The following MAP7D2 variants were observed in gnomAD, a reference collection of about 807,000 sequenced individuals.
MAP7D2 encodes the protein MAP7 domain-containing protein 2.
A neutral mutation model predicts 63.5 loss-of-function variants in MAP7D2; 33 were observed. The observed-to-expected ratio is 0.52, with a 90% CI of 0.39 to 0.70. MAP7D2 has a LOEUF of 0.70. Among genes scored for constraint, MAP7D2 ranks in the 30% least tolerant of loss-of-function variants. MAP7D2 has a pLI of 0.00. For synonymous variants in MAP7D2, 224 were observed against 223.7 expected (o/e 1.00, Z -0.01); for missense variants, 626 against 604.0 (o/e 1.04, Z -0.38).
At chrX:20,038,169 G>T (rs1238138331) in intron 8 of MAP7D2, among the ~76,000 whole-genome samples, 1 of 111,899 alleles carries the variant, frequency 8.9e-6, no homozygotes, top group Non-Finnish European at 1.9e-5. Flanking sequence ...TCATGAAAAG[G>T]GCAGCAGTTT....
At chrX:20,101,007 G>A (rs1239035996) in intron 1 of MAP7D2, among the ~76,000 whole-genome samples, 1 of 100,466 alleles carries the variant, frequency 1.0e-5, no homozygotes, top group African/African-American at 3.8e-5. Flanking sequence ...GGCAACAAGA[G>A]TAAAACTCCG....
chrX:20,060,378 G>A (rs187085908), intron 3 of MAP7D2, among the ~76,000 whole-genome samples: 97 of 105,352 alleles, frequency 9.2e-4, no homozygotes, highest in African/African-American at 3.1e-3. Context: ...TCCTCAGCAG[G>A]GATGTGTGCA....
At chrX:20,029,058 C>T (rs745430679) in intron 8 of MAP7D2, among the ~76,000 whole-genome samples, 64 of 112,165 alleles carry the variant, frequency 5.7e-4, no homozygotes, top group African/African-American at 1.9e-3. Context: ...CACAACCCTG[C>T]CTGTTCTTGT....
chrX:20,037,295 G>A (rs4825331), intron 8 of MAP7D2, among the ~76,000 whole-genome samples: 40,015 of 110,193 alleles, frequency 0.36, 8,035 homozygotes, highest in African/African-American at 0.77. Flanking sequence ...CTATCATCAA[G>A]TGGAAATGGT....
chrX:20,106,762 G>A (rs987296930), intron 1 of MAP7D2, among the ~76,000 whole-genome samples: 4 of 111,829 alleles, frequency 3.6e-5, no homozygotes, highest in African/African-American at 1.3e-4. Context: ...TACATGCTGA[G>A]GCTAGGTGAG....
At chrX:20,091,435 C>T (rs1294685220) in intron 1 of MAP7D2, among the ~76,000 whole-genome samples, 9 of 108,111 alleles carry the variant, frequency 8.3e-5, no homozygotes, top group Admixed American at 2.0e-4. Context: ...TTTGGGAGGC[C>T]GAGATGGGTG....
At chrX:20,093,422 T>C (rs2066122417) in intron 1 of MAP7D2, among the ~76,000 whole-genome samples, 1 of 111,809 alleles carries the variant, frequency 8.9e-6, no homozygotes, top group Non-Finnish European at 1.9e-5. Context: ...TTTGGGAGGC[T>C]GAGGCAGAAG....
At chrX:20,034,085 C>T (rs1201107185) in intron 8 of MAP7D2, among the ~76,000 whole-genome samples, 2 of 107,783 alleles carry the variant, frequency 1.9e-5, no homozygotes, top group African/African-American at 6.8e-5. Context: ...ATTAGCCAGA[C>T]GTGGTGGTGC....
rs113595181 is a variant in MAP7D2, at chrX:20,114,027, C to T, written c.130+2723G>A. On this transcript the variant is annotated intron_variant, in intron 1 of 16. Transcript: ENST00000379643. The stretch of plus-strand genomic sequence containing the variant: ...TAACCACCTACTCTCTATCTCCAGG[C>T]CCCACCCTATTTTGTTTTTCTTTCG... 8.7e-4 allele frequency among the ~76,000 whole-genome samples: 97 copies of T among 111,569 alleles called. 1 individual carries two copies. The highest frequency in any genetic ancestry group is 3.1e-3 in the African/African-American group (95 of 30,718).
At chrX:20,033,164 G>C (rs982705788) in intron 8 of MAP7D2, among the ~76,000 whole-genome samples, 1 of 112,254 alleles carries the variant, frequency 8.9e-6, no homozygotes, top group African/African-American at 3.2e-5. Flanking sequence ...GATCCAAAGA[G>C]AGAACCTCCC....
At chrX:20,088,221 G>A (rs1466863704) in intron 1 of MAP7D2, among the ~76,000 whole-genome samples, 1 of 108,872 alleles carries the variant, frequency 9.2e-6, no homozygotes, top group East Asian at 2.9e-4. Context: ...GCACATTTTT[G>A]GGGTTACTTG....
rs779366726 is a variant in MAP7D2, at chrX:20,088,468, G to GTTTTTTTTTT, written c.131-23673_131-23664dup. 3.2e-4 allele frequency among the ~76,000 whole-genome samples: 13 copies of GTTTTTTTTTT among 41,070 alleles called. 2 individuals carry two copies. The highest frequency in any genetic ancestry group is 2.0e-3 in the East Asian group (1 of 501). 35.7% of individuals were successfully genotyped at this position (41,070 alleles called of 115,157 possible). ...CCCCACCACACCCAGCTAATTTTCAGTTTTTTTTTTTTTTTTTTTTTTTTT... is the reference window on the plus strand; with the variant it reads ...CCCCACCACACCCAGCTAATTTTCAGTTTTTTTTTTTTTTTTTTTTTTTTTTTTTTTTTTT... On this transcript the variant is annotated intron_variant, in intron 1 of 16. Coordinates refer to ENST00000379643, the MANE Select transcript of MAP7D2 (RefSeq NM_001168465.2).
chrX:20,108,300 T>C (rs771623216), intron 1 of MAP7D2, among the ~76,000 whole-genome samples: 8 of 109,751 alleles, frequency 7.3e-5, no homozygotes, highest in Admixed American at 6.8e-4. Flanking sequence ...AGTGGCGCCA[T>C]TTCAGCTCAC....
intron 1 of MAP7D2, among the ~76,000 whole-genome samples, chrX:20,114,969 C>G (rs1279863350): frequency 8.9e-6 from 1 of 111,850 alleles, no homozygotes; most frequent in African/African-American, 3.3e-5. Context: ...GCTAACTCCC[C>G]CAAACAACAA....
Position 20,052,858 on chromosome X carries a change from A to C in MAP7D2, c.595+20T>G. 1 of 1,116,247 alleles carries C rather than the reference A, an allele frequency of 9.0e-7. No individual in the cohort carries two copies. The highest frequency in any genetic ancestry group is 1.2e-6 in the Non-Finnish European group (1 of 808,795). 92.0% of individuals were successfully genotyped at this position (1,116,247 alleles called of 1,213,427 possible). A position where few individuals can be genotyped will look rare whatever the true frequency, so the allele number is the denominator to read the frequency against. ...AGAAAAGAAACAAACTAGAGAGACC[A>C]AGTCTACATGTTCACTTGCCTCGGT... On this transcript the variant is annotated intron_variant, in intron 5 of 16. Coordinates refer to ENST00000379643, the MANE Select transcript of MAP7D2 (RefSeq NM_001168465.2).
chrX:20,049,619 A>G (rs1247587139), intron 6 of MAP7D2, among the ~76,000 whole-genome samples: 1 of 111,513 alleles, frequency 9.0e-6, no homozygotes, highest in African/African-American at 3.3e-5. Context: ...TGGGTATATC[A>G]TATTTTCTTT....
intron 1 of MAP7D2, among the ~76,000 whole-genome samples, chrX:20,116,221 G>A (rs752728311): frequency 5.0e-4 from 57 of 113,253 alleles, no homozygotes; most frequent in African/African-American, 1.8e-3. Flanking sequence ...GCAGACGCCT[G>A]GCCGCCCGGG....
At chrX:20,078,918 T>C (rs1004932151) in intron 1 of MAP7D2, among the ~76,000 whole-genome samples, 1 of 109,359 alleles carries the variant, frequency 9.1e-6, no homozygotes, top group African/African-American at 3.3e-5. Flanking sequence ...GCCCCAAGCC[T>C]CCAGTGGGGG....
chrX:20,075,578 G>A (rs1471579725), intron 1 of MAP7D2, among the ~76,000 whole-genome samples: 1 of 111,140 alleles, frequency 9.0e-6, no homozygotes, highest in Non-Finnish European at 1.9e-5. Context: ...ACTCTTGGAA[G>A]GTACAGTGTG....
Sources: gnomAD v4.1 joint callset for allele counts (sites outside exome capture counted in the v4.1 genomes callset) on GRCh38, gnomAD v4.1.1 for gene constraint, MANE v1.5 for transcripts, NCBI Gene and HGNC (gene_info 2026-07-23, HGNC 2026-07-21) for gene names.